The following B9D1 variants were observed in gnomAD, a reference collection of about 807,000 sequenced individuals.
B9D1 encodes the protein B9 domain containing 1, also known as B9 domain-containing protein 1.
Under a neutral mutation model 26.1 loss-of-function variants are expected in B9D1, and 20 were observed. The observed-to-expected ratio is 0.77, with a 90% CI of 0.54 to 1.12. The LOEUF (loss-of-function observed/expected upper bound fraction) is 1.12, where lower values mean the gene tolerates loss of function less well. Ranked by LOEUF, B9D1 falls within the 50% of genes most tolerant of loss-of-function variation. The pLI, the probability that B9D1 is intolerant of heterozygous loss-of-function variation, is 0.00. For synonymous variants in B9D1, 105 were observed against 103.1 expected (o/e 1.02, Z -0.11); for missense variants, 260 against 273.7 (o/e 0.95, Z 0.35).
downstream of B9D1, among the ~76,000 whole-genome samples, chr17:19,341,804 A>C (rs1466217596): frequency 6.6e-6 from 1 of 152,198 alleles, no homozygotes; most frequent in Non-Finnish European, 1.5e-5. Flanking sequence ...CGAAGGATGG[A>C]GGGCACTATG....
At position 19,362,638 on chromosome 17, in the gene B9D1, C is replaced by G; in HGVS notation, c.-69G>C. ...GGTTGCTAAGAGACGCCGGCGTTGC[C>G]CTAGAAACAGACGGCGTAGCGCGCA... On this transcript the variant is annotated 5_prime_UTR_variant, in exon 1 of 7. Transcript: ENST00000261499. The G allele has an allele frequency of 6.4e-7, 1 of 1,560,208 alleles. No homozygotes were observed. The highest frequency in any genetic ancestry group is 8.7e-7 in the Non-Finnish European group (1 of 1,151,836).
chr17:19,362,075 G>T (rs1031952031), intron 1 of B9D1, among the ~76,000 whole-genome samples: 8 of 152,330 alleles, frequency 5.3e-5, no homozygotes, highest in African/African-American at 1.7e-4. Flanking sequence ...CACCACCATT[G>T]TTGGATGGTT....
downstream of B9D1, chr17:19,340,847 A>C (rs1413355411): frequency 6.4e-6 from 1 of 155,872 alleles, no homozygotes; most frequent in East Asian, 1.8e-4. Context: ...ATGTCCCCTC[A>C]AAAGAACACA....
chr17:19,341,110 G>A (rs1907918791), downstream of B9D1: 2 of 1,225,696 alleles, frequency 1.6e-6, no homozygotes, highest in South Asian at 8.5e-5. Flanking sequence ...CAGTAATGTT[G>A]AGAAAAATTG....
Position 19,357,902 on chromosome 17 carries a change from C to T in B9D1, c.182G>A (p.Arg61Gln), listed in dbSNP as rs868006869. The change falls in exon 3 of 7, where the codon CGG (arginine) becomes CAG (glutamine). Residue 61 changes from arginine (R) to glutamine (Q), a missense_variant. By Grantham distance (43) the Arg-to-Gln change is conservative. Transcript: ENST00000261499. ...SQITSKSQDV[R>Q]QALVWNFPID... ...GGGGAAGTTCCACACCAGTGCTTGC[C>T]GCACATCTTGGCTCTTGGATGTGAT... is the stretch of plus-strand genomic sequence containing the variant. 6.4e-5 allele frequency: 103 copies of T among 1,614,026 alleles called. 1 individual carries two copies. The highest frequency in any genetic ancestry group is 8.1e-5 in the Non-Finnish European group (95 of 1,180,034).
downstream of B9D1, chr17:19,340,935 T>A (rs1907905025): frequency 9.1e-6 from 2 of 220,920 alleles, no homozygotes; most frequent in Non-Finnish European, 1.7e-5. Context: ...TTTCACAGTT[T>A]ATTTTGAAAT....
At chr17:19,343,961 T>C in intron 5 of B9D1, 104 bp from the exon 6 acceptor site, 1 of 1,535,766 alleles carries the variant, frequency 6.5e-7, no homozygotes, top group Non-Finnish European at 8.8e-7. Context: ...CCAGCACTCT[T>C]GTTCCAACCG....
At chr17:19,356,028 C>A (rs1910299770) in intron 3 of B9D1, among the ~76,000 whole-genome samples, 2 of 152,106 alleles carry the variant, frequency 1.3e-5, no homozygotes, top group Non-Finnish European at 1.5e-5. Context: ...ATGCCAGATA[C>A]TACATTTGAA....
downstream of B9D1, among the ~76,000 whole-genome samples, chr17:19,340,749 A>G (rs142871726): frequency 7.4e-3 from 1,074 of 144,818 alleles, 6 homozygotes; most frequent in Non-Finnish European, 9.9e-3. Context: ...GGACCGTGCC[A>G]CTGCATTCCA....
At chr17:19,344,503 C>T in intron 5 of B9D1, 1 of 280,014 alleles carries the variant, frequency 3.6e-6, no homozygotes, top group Non-Finnish European at 7.4e-6. Flanking sequence ...GGTGTCAGGC[C>T]CCGCCGCCGA....
intron 5 of B9D1, chr17:19,344,375 T>C: frequency 4.5e-6 from 1 of 219,902 alleles, no homozygotes; most frequent in South Asian, 5.0e-5. Flanking sequence ...ACATGTCACT[T>C]CCCATCTTGG....
intron 2 of B9D1, among the ~76,000 whole-genome samples, chr17:19,358,565 G>T (rs959953751): frequency 6.6e-6 from 1 of 152,140 alleles, no homozygotes; most frequent in African/African-American, 2.4e-5. Context: ...CTCTATCCTC[G>T]TGTTACTTGA....
chr17:19,354,285 G>C (rs569239481), intron 3 of B9D1, among the ~76,000 whole-genome samples: 125 of 152,302 alleles, frequency 8.2e-4, no homozygotes, highest in Non-Finnish European at 1.5e-3. Context: ...ACTGACAGCT[G>C]AGTCTACTTG....
chr17:19,346,901 G>A, intron 5 of B9D1: 1 of 1,430,596 alleles, frequency 7.0e-7, no homozygotes, highest in Non-Finnish European at 9.1e-7. Context: ...CACATGTAAA[G>A]GCATTTATCA....
intron 5 of B9D1, among the ~76,000 whole-genome samples, chr17:19,344,160 G>C (rs1908383881): frequency 6.6e-6 from 1 of 152,186 alleles, no homozygotes. Context: ...CTGGGAATGA[G>C]AGCTCAGGAA....
At chr17:19,345,548 CG>C (rs752148552) in intron 5 of B9D1, among the ~76,000 whole-genome samples, 108 of 152,268 alleles carry the variant, frequency 7.1e-4, no homozygotes, top group Non-Finnish European at 1.3e-3. Flanking sequence ...GGCCAGGACT[CG>C]AGTGATGAGG....
At chr17:19,367,752 A>C (rs6587074) in intron 1 of B9D1, among the ~76,000 whole-genome samples, 134,133 of 152,184 alleles carry the variant, frequency 0.88, 60,340 homozygotes, top group Non-Finnish European at 0.99. Flanking sequence ...AGCCCGATAA[A>C]TGCCCCTTCC....
rs1911856222 is a variant in B9D1 at position 19,370,787 on chromosome 17, C to T, written c.-298+7072G>A. ...CACTTCCCAGATGCGGCTTCCTGCC[C>T]TTTCCTCCACCAAAACCACACTCAG... On this transcript the variant is annotated intron_variant, in intron 1 of 5. Coordinates refer to the B9D1 transcript ENST00000477478. The surrounding 1 kb of genome is among the most constrained non-coding windows in gnomAD (Gnocchi z 5.1). Among the ~76,000 whole-genome samples the T allele has an allele frequency of 6.6e-6, 1 of 152,250 alleles. No homozygotes were observed. The highest frequency in any genetic ancestry group is 1.5e-5 in the Non-Finnish European group (1 of 68,046).
chr17:19,362,083 GT>G (rs1278146747), intron 1 of B9D1, among the ~76,000 whole-genome samples: 1 of 152,236 alleles, frequency 6.6e-6, no homozygotes, highest in Non-Finnish European at 1.5e-5. Context: ...TTGTTGGATG[GT>G]TGGATTCGAA....
Sources: allele counts gnomAD v4.1 joint callset (sites outside exome capture counted in the v4.1 genomes callset), GRCh38; gene constraint gnomAD v4.1.1; non-coding constraint Gnocchi (gnomAD v3.1); transcripts MANE v1.5; gene names NCBI Gene and HGNC (gene_info 2026-07-23, HGNC 2026-07-21).